The following RFX8 variants were observed in gnomAD, a reference collection of about 807,000 sequenced individuals.
RFX8 encodes regulatory factor X8, also known as DNA-binding protein RFX8.
In RFX8, 46 loss-of-function variants were observed where a neutral mutation model predicts 54.6. The observed-to-expected ratio is 0.84, with a 90% CI of 0.67 to 1.08. The LOEUF is 1.08. RFX8 is among the 50% of genes least tolerant of loss of function. The pLI is 0.00. For synonymous variants in RFX8, 192 were observed against 209.5 expected, an observed-to-expected ratio of 0.92 and a Z score of 0.72; for missense variants, 536 against 562.3, an observed-to-expected ratio of 0.95 and a Z score of 0.47.
chr2:101,466,845 A>G lies in RFX8; in HGVS notation c.4T>C (p.Tyr2His), dbSNP rs755597802. Residue 2 changes from tyrosine (Y) to histidine (H), a missense_variant, in exon 2 of 12, where the codon TAT becomes CAT. Physicochemically the swap from Tyr to His is moderately conservative, Grantham distance 83. Coordinates refer to ENST00000428343, the MANE Select transcript of RFX8 (RefSeq NM_001145664.2). M[Y>H]EIYVETCGQN... ...CCACAGGTCTCCACGTAAATCTCAT[A>G]CATGAGACAGCGAGGGACGCTGCAC... 9.7e-6 allele frequency: 15 copies of G among 1,550,502 alleles called. No homozygotes were observed. The highest frequency in any genetic ancestry group is 1.2e-5 in the Non-Finnish European group (14 of 1,145,952).
chr2:101,460,197 T>TC (rs200089388), intron 2 of RFX8, among the ~76,000 whole-genome samples: 6,944 of 135,950 alleles, frequency 0.051, 475 homozygotes, highest in African/African-American at 0.17. Flanking sequence ...ATCTTGAGCT[T>TC]CCTGGTGAGG....
intron 2 of RFX8, among the ~76,000 whole-genome samples, chr2:101,438,619 G>A (rs1213323912): frequency 2.0e-5 from 3 of 152,178 alleles, no homozygotes; most frequent in Admixed American, 2.0e-4. Context: ...GCTGGTTTGG[G>A]TGGTAAATTG....
At chr2:101,440,070 C>T (rs749264782) in intron 2 of RFX8, among the ~76,000 whole-genome samples, 9 of 150,858 alleles carry the variant, frequency 6.0e-5, no homozygotes, top group African/African-American at 2.0e-4. Flanking sequence ...TTTTAGAAGA[C>T]GCTTGTCTAT....
intron 2 of RFX8, among the ~76,000 whole-genome samples, chr2:101,438,960 C>A (rs946759428): frequency 6.6e-6 from 1 of 152,040 alleles, no homozygotes; most frequent in Non-Finnish European, 1.5e-5. Context: ...TACAGGCGCC[C>A]GCCACCATGC....
intron 2 of RFX8, among the ~76,000 whole-genome samples, chr2:101,456,394 C>A (rs1453206528): frequency 2.0e-5 from 3 of 152,068 alleles, no homozygotes; most frequent in African/African-American, 7.2e-5. Flanking sequence ...TCCATCAATA[C>A]CTAGTTTATT....
rs1221746578 is a variant in RFX8, at chr2:101,397,475, A to G, written c.*73T>C. 1 of 1,020,056 alleles carries G rather than the reference A, an allele frequency of 9.8e-7. No homozygotes were observed. Among genetic ancestry groups the G allele is most frequent in the African/African-American group, 1.6e-5 (1 of 61,376 alleles). The allele number at this position is 1,020,056 out of a possible 1,614,324, so 63.2% of individuals were successfully genotyped here. The stretch of plus-strand genomic sequence containing the variant: ...CATAACATCATCTTTCGTCAATAGA[A>G]AAACTTTAGTATTTAATATTTTTAA... On this transcript the variant is annotated 3_prime_UTR_variant, in exon 12 of 12. Transcript: ENST00000428343.
chr2:101,462,196 C>T (rs1224351855), intron 2 of RFX8, among the ~76,000 whole-genome samples: 1 of 152,130 alleles, frequency 6.6e-6, no homozygotes, highest in Non-Finnish European at 1.5e-5. Context: ...GAGGCGGAGA[C>T]GCAGGTGCAT....
chr2:101,418,992 A>G, intron 4 of RFX8, 28 bp from the exon 5 acceptor site: 1 of 1,331,786 alleles, frequency 7.5e-7, no homozygotes, highest in Middle Eastern at 2.1e-4. Flanking sequence ...GCATATCGCC[A>G]AAACTCGTTT....
At chr2:101,430,260 C>G in intron 2 of RFX8, among the ~76,000 whole-genome samples, 1 of 152,134 alleles carries the variant, frequency 6.6e-6, no homozygotes, top group East Asian at 1.9e-4. Flanking sequence ...GCTAGAGGAG[C>G]CAAAGGCAAA....
intron 1 of RFX8, among the ~76,000 whole-genome samples, chr2:101,469,093 A>G (rs2056068): frequency 6.5e-5 from 1 of 15,316 alleles, no homozygotes; most frequent in South Asian, 2.2e-3. Flanking sequence ...TATATATATA[A>G]GTATATATAT....
chr2:101,471,380 C>T (rs1371124260), intron 1 of RFX8, among the ~76,000 whole-genome samples: 2 of 152,026 alleles, frequency 1.3e-5, no homozygotes, highest in African/African-American at 2.4e-5. Flanking sequence ...TCATGAGCCC[C>T]CCACACTAGG....
At chr2:101,446,675 C>A (rs1426272708) in intron 2 of RFX8, among the ~76,000 whole-genome samples, 1 of 152,100 alleles carries the variant, frequency 6.6e-6, no homozygotes, top group East Asian at 1.9e-4. Flanking sequence ...ACATCGGAAA[C>A]AAACAGAGTC....
At chr2:101,415,475 T>A (rs1166417223) in intron 6 of RFX8, among the ~76,000 whole-genome samples, 2 of 152,240 alleles carry the variant, frequency 1.3e-5, no homozygotes, top group Admixed American at 6.5e-5. Context: ...GGTGGCATTT[T>A]ACTACAGCAG....
intron 1 of RFX8, among the ~76,000 whole-genome samples, chr2:101,471,407 C>T (rs975162040): frequency 1.3e-5 from 2 of 152,096 alleles, no homozygotes; most frequent in Admixed American, 1.3e-4. Flanking sequence ...AGTACCTTTT[C>T]GATACGGCTG....
At position 101,419,027 on chromosome 2, in the gene RFX8, G is replaced by A. The variant is rs1036436284; in HGVS notation, c.238-63C>T. 4 of 784,208 alleles carry A rather than the reference G, an allele frequency of 5.1e-6. No homozygotes were observed. The African/African-American group carries it at 5.2e-5, about 10-fold the overall frequency. The allele number at this position is 784,208 out of a possible 1,614,324, so 48.6% of individuals were successfully genotyped here. ...TTCCACCTCGCAAGACTAACCCCCC[G>A]CCACAGATACTTCCTTAGCCCCAGA... On this transcript the variant is annotated intron_variant, in intron 4 of 11. Transcript: ENST00000428343.
chr2:101,451,522 T>C lies in RFX8; in HGVS notation c.72+15255A>G, dbSNP rs544484728. Among the ~76,000 whole-genome samples, 9 of 151,682 alleles carry C rather than the reference T, an allele frequency of 5.9e-5. No homozygotes were observed. In the South Asian group the frequency reaches 1.9e-3, roughly 32 times the overall value. ...GGCCAACATGATAAAATCCTGTATCTACTAAAAATACAAAAAATAAGCCGG... is the reference window on the plus strand; with the variant it reads ...GGCCAACATGATAAAATCCTGTATCCACTAAAAATACAAAAAATAAGCCGG... On this transcript the variant is annotated intron_variant, in intron 2 of 11. Coordinates refer to ENST00000428343, the MANE Select transcript of RFX8 (RefSeq NM_001145664.2).
chr2:101,414,906 G>A lies in RFX8; in HGVS notation c.509C>T (p.Thr170Ile), dbSNP rs1258428336. Residue 170 changes from threonine (T) to isoleucine (I), a missense_variant, in exon 7 of 12, where the codon ACT becomes ATT. Thr to Ile is a moderately conservative substitution (Grantham distance 89). Transcript: ENST00000428343. ...LLQISKLKEVTLFVKRLRRKT... is the reference protein window; with the variant it reads ...LLQISKLKEVILFVKRLRRKT... Reference sequence around the variant, plus strand: ...TCTTCTTAGTCTTTTGACAAATAGAGTAACTTCTGTTAAGAACAACACACG... The same window carrying A: ...TCTTCTTAGTCTTTTGACAAATAGAATAACTTCTGTTAAGAACAACACACG... 4 of 1,549,236 alleles carry A rather than the reference G, an allele frequency of 2.6e-6. No individual in the cohort carries two copies. The highest frequency in any genetic ancestry group is 3.5e-6 in the Non-Finnish European group (4 of 1,145,896).
chr2:101,407,677 G>A (rs1171276238), intron 9 of RFX8, among the ~76,000 whole-genome samples: 1 of 151,788 alleles, frequency 6.6e-6, no homozygotes, highest in African/African-American at 2.4e-5. Flanking sequence ...GGGTGACAGA[G>A]CAAGACTCCA....
At chr2:101,450,525 G>T in intron 2 of RFX8, 2 of 760,004 alleles carry the variant, frequency 2.6e-6, no homozygotes, top group Non-Finnish European at 4.4e-6. Flanking sequence ...ACCACACTTG[G>T]CCTGAATGGT....
Sources: gnomAD v4.1 joint callset for allele counts (sites outside exome capture counted in the v4.1 genomes callset) on GRCh38, gnomAD v4.1.1 for gene constraint, MANE v1.5 for transcripts, NCBI Gene and HGNC (gene_info 2026-07-23, HGNC 2026-07-21) for gene names.